ENPP6: variants seen among roughly 807,000 people sequenced by gnomAD.
ENPP6 encodes the protein ectonucleotide pyrophosphatase/phosphodiesterase 6, also known as glycerophosphocholine cholinephosphodiesterase ENPP6.
ENPP6 carries 32 observed loss-of-function variants against 42.0 expected under a neutral mutation model. That is an observed-to-expected ratio of 0.76 (90% CI 0.58 to 1.02). The LOEUF (loss-of-function observed/expected upper bound fraction) is 1.02, where lower values mean the gene tolerates loss of function less well. ENPP6 is among the 50% of genes least tolerant of loss of function. The pLI, the probability that ENPP6 is intolerant of heterozygous loss-of-function variation, is 0.00. For synonymous variants in ENPP6, 213 were observed against 216.0 expected (o/e 0.99, Z 0.12); for missense variants, 552 against 566.8 (o/e 0.97, Z 0.27).
intron 7 of ENPP6, among the ~76,000 whole-genome samples, chr4:184,095,961 C>G (rs946138224): frequency 6.6e-6 from 1 of 152,130 alleles, no homozygotes; most frequent in Non-Finnish European, 1.5e-5. Flanking sequence ...CACCTGATAA[C>G]TATCACTGGT....
chr4:184,167,763 A>G (rs944835904), intron 1 of ENPP6, among the ~76,000 whole-genome samples: 8 of 152,148 alleles, frequency 5.3e-5, no homozygotes, highest in Non-Finnish European at 1.5e-5. Context: ...CTCAAGTCTC[A>G]GGAGTTAACT....
chr4:184,214,659 G>T (rs899563410), intron 1 of ENPP6, among the ~76,000 whole-genome samples: 2 of 152,206 alleles, frequency 1.3e-5, no homozygotes, highest in African/African-American at 4.8e-5. Context: ...CCATAAAAAA[G>T]AATGTGTTCA....
intron 1 of ENPP6, among the ~76,000 whole-genome samples, chr4:184,204,645 A>G (rs1732963107): frequency 1.3e-5 from 2 of 152,030 alleles, no homozygotes; most frequent in African/African-American, 4.8e-5. Flanking sequence ...TTCATCTCCT[A>G]CTTTGACACA....
chr4:184,192,815 T>C (rs994915328), intron 1 of ENPP6, among the ~76,000 whole-genome samples: 15 of 152,184 alleles, frequency 9.9e-5, no homozygotes, highest in African/African-American at 3.6e-4. Flanking sequence ...CCAAAGAAAT[T>C]ATCACACAGT....
At chr4:184,101,304 TTGTGTGTG>T (rs56174532) in intron 6 of ENPP6, among the ~76,000 whole-genome samples, 4,504 of 136,994 alleles carry the variant, frequency 0.033, 123 homozygotes, top group African/African-American at 0.059. Context: ...GTGTGTGAGC[TTGTGTGTG>T]TGTGTGTGTG....
At chr4:184,102,410 AG>A (rs34360932) in intron 6 of ENPP6, among the ~76,000 whole-genome samples, 1 of 152,210 alleles carries the variant, frequency 6.6e-6, no homozygotes, top group South Asian at 2.1e-4. Flanking sequence ...GGCAAACTCT[AG>A]GGGCATTTAC....
At chr4:184,177,299 G>A (rs981289799) in intron 1 of ENPP6, among the ~76,000 whole-genome samples, 1 of 152,224 alleles carries the variant, frequency 6.6e-6, no homozygotes, top group Non-Finnish European at 1.5e-5. Flanking sequence ...CTCCTCACCA[G>A]ATGGGGCCTC....
intron 6 of ENPP6, chr4:184,112,445 G>A (rs1736209680): frequency 7.7e-6 from 4 of 517,194 alleles, no homozygotes; most frequent in Non-Finnish European, 1.3e-5. Context: ...AACACAGCGA[G>A]TCTGGAGCCA....
chr4:184,178,600 G>A (rs930088470), intron 1 of ENPP6, among the ~76,000 whole-genome samples: 4 of 152,146 alleles, frequency 2.6e-5, no homozygotes, highest in African/African-American at 9.7e-5. Flanking sequence ...CAAAATGAAG[G>A]AAAAAGTGTT....
intron 1 of ENPP6, among the ~76,000 whole-genome samples, chr4:184,176,410 G>C (rs2111096842): frequency 6.6e-6 from 1 of 152,324 alleles, no homozygotes; most frequent in Non-Finnish European, 1.5e-5. Flanking sequence ...GATGGAAACG[G>C]TGAGAAGTTA....
In ENPP6 at chr4:184,131,188, T is replaced by TCTTTCTTTCTTTCTTC. The variant is rs1560987221; in HGVS notation, c.422-6932_422-6917dup. 7.8e-5 allele frequency among the ~76,000 whole-genome samples: 5 copies of TCTTTCTTTCTTTCTTC among 63,788 alleles called. 1 individual carries two copies. The highest frequency in any genetic ancestry group is 3.5e-4 in the African/African-American group (5 of 14,470). 41.8% of individuals were successfully genotyped at this position (63,788 alleles called of 152,430 possible). ...TTCTTTCTTTCTTTCTTTCTTTCTT[T>TCTTTCTTTCTTTCTTC]CTTTCTTTCTTTCTTCTTTCTTTCT... is the stretch of plus-strand genomic sequence containing the variant. On this transcript the variant is annotated intron_variant, in intron 2 of 7. Coordinates refer to ENST00000296741, the MANE Select transcript of ENPP6 (RefSeq NM_153343.4).
At chr4:184,171,786 G>T (rs1400964196) in intron 1 of ENPP6, among the ~76,000 whole-genome samples, 2 of 101,356 alleles carry the variant, frequency 2.0e-5, no homozygotes, top group African/African-American at 2.7e-5. Flanking sequence ...CAAACACATT[G>T]ATTTTTTTTT....
intron 1 of ENPP6, among the ~76,000 whole-genome samples, chr4:184,177,537 C>CTCTG (rs1222156150): frequency 2.6e-5 from 4 of 152,214 alleles, no homozygotes; most frequent in Non-Finnish European, 5.9e-5. Context: ...TTAAGCGGGT[C>CTCTG]TCTGATCCTG....
rs1342487651 is a variant in ENPP6 at position 184,184,375 on chromosome 4, A to G, written c.242-30642T>C. Among the ~76,000 whole-genome samples, 7 of 152,264 alleles carry G rather than the reference A, an allele frequency of 4.6e-5. No homozygotes were observed. The highest frequency in any genetic ancestry group is 7.2e-5 in the African/African-American group (3 of 41,468). ...AATTAAGAATCAAATAGATTTTTGGATATTAAGAATATAATAATGTTAAAA... is the reference window on the plus strand; with the variant it reads ...AATTAAGAATCAAATAGATTTTTGGGTATTAAGAATATAATAATGTTAAAA... On this transcript the variant is annotated intron_variant, in intron 1 of 7. Coordinates refer to ENST00000296741, the MANE Select transcript of ENPP6 (RefSeq NM_153343.4). The surrounding 1 kb of genome is among the most constrained non-coding windows in gnomAD (Gnocchi z 4.7).
intron 1 of ENPP6, chr4:184,204,049 G>C (rs1732947568): frequency 6.6e-6 from 1 of 152,140 alleles, no homozygotes; most frequent in African/African-American, 2.4e-5. Flanking sequence ...TCTCTCCTTG[G>C]TCTGCAGGCA....
At chr4:184,215,048 A>T (rs1277329597) in intron 1 of ENPP6, among the ~76,000 whole-genome samples, 3 of 152,226 alleles carry the variant, frequency 2.0e-5, no homozygotes, top group African/African-American at 7.2e-5. Flanking sequence ...GTCTGCATCC[A>T]GCAGCACCTG....
At position 184,217,574 on chromosome 4, in the gene ENPP6, C is replaced by T; in HGVS notation, c.241+5G>A. Reference sequence around the variant, plus strand: ...TCCCTGCCCAGAAGAGGACATGGTACTCACCAGTCATTAGGGTATAATAAT... The same window carrying T: ...TCCCTGCCCAGAAGAGGACATGGTATTCACCAGTCATTAGGGTATAATAAT... On this transcript the variant is annotated splice_donor_5th_base_variant and intron_variant, in intron 1 of 7. Coordinates refer to ENST00000296741, the MANE Select transcript of ENPP6 (RefSeq NM_153343.4). The T allele has an allele frequency of 6.2e-7, 1 of 1,614,194 alleles. No individual in the cohort carries two copies. The highest frequency in any genetic ancestry group is 8.5e-7 in the Non-Finnish European group (1 of 1,180,010).
chr4:184,174,214 T>C (rs1737524628), intron 1 of ENPP6, among the ~76,000 whole-genome samples: 1 of 150,924 alleles, frequency 6.6e-6, no homozygotes, highest in South Asian at 2.1e-4. Context: ...CTCGGCTCAC[T>C]GCAACCTCTG....
chr4:184,217,505 A>C (rs1192811954), intron 1 of ENPP6, 74 bp downstream of exon 1: 2 of 1,577,380 alleles, frequency 1.3e-6, no homozygotes, highest in Non-Finnish European at 1.7e-6. Context: ...ATAAGACTCC[A>C]ATGCCAGGAG....
Sources: gnomAD v4.1 joint callset for allele counts (sites outside exome capture counted in the v4.1 genomes callset) on GRCh38, gnomAD v4.1.1 for gene constraint, Gnocchi (gnomAD v3.1) non-coding constraint, MANE v1.5 for transcripts, NCBI Gene and HGNC (gene_info 2026-07-23, HGNC 2026-07-21) for gene names.